Variants in LAPTM4B observed in about 807,000 individuals in gnomAD.
The protein encoded by LAPTM4B is lysosomal protein transmembrane 4 beta.
LAPTM4B carries 26 observed loss-of-function variants against 28.5 expected under a neutral mutation model. The observed-to-expected ratio is 0.91, with a 90% CI of 0.67 to 1.27. The LOEUF (loss-of-function observed/expected upper bound fraction) is 1.27. Ranked by LOEUF, LAPTM4B falls within the 50% of genes most tolerant of loss-of-function variation. The probability of loss-of-function intolerance (pLI) is 0.00; values close to 1 mark genes in which losing one functional copy is unlikely to be tolerated. For missense variants in LAPTM4B, 288 were observed against 285.8 expected, an observed-to-expected ratio of 1.01 and a Z score of -0.06; for synonymous variants, 109 against 106.4, an observed-to-expected ratio of 1.02 and a Z score of -0.15.
At chr8:97,789,978 T>G (rs1011720942) in intron 1 of LAPTM4B, among the ~76,000 whole-genome samples, 2 of 152,256 alleles carry the variant, frequency 1.3e-5, no homozygotes, top group South Asian at 2.1e-4. Flanking sequence ...AAGTTTGGTT[T>G]CCTGTGCCTG....
intron 1 of LAPTM4B, among the ~76,000 whole-genome samples, chr8:97,779,951 A>G (rs1816283254): frequency 6.6e-6 from 1 of 150,914 alleles, no homozygotes; most frequent in African/African-American, 2.4e-5. Context: ...CTGGGGAGGC[A>G]GAGGCAGGAG....
intron 1 of LAPTM4B, among the ~76,000 whole-genome samples, chr8:97,800,000 C>T (rs1423461296): frequency 6.6e-6 from 1 of 152,110 alleles, no homozygotes; most frequent in Non-Finnish European, 1.5e-5. Flanking sequence ...GTTGCAGGTC[C>T]CTGCAACCCC....
At chr8:97,831,259 C>T (rs1396845856) in intron 6 of LAPTM4B, among the ~76,000 whole-genome samples, 1 of 152,114 alleles carries the variant, frequency 6.6e-6, no homozygotes, top group Non-Finnish European at 1.5e-5. Flanking sequence ...GGAATTATGT[C>T]AGTTAGGCAA....
chr8:97,849,014 G>A (rs1817476514), intron 6 of LAPTM4B, among the ~76,000 whole-genome samples: 1 of 152,176 alleles, frequency 6.6e-6, no homozygotes, highest in Non-Finnish European at 1.5e-5. Context: ...TGTCAAGGTC[G>A]ACCATGAGGC....
chr8:97,814,767 C>CA (rs11404306), intron 2 of LAPTM4B, among the ~76,000 whole-genome samples: 68,533 of 151,870 alleles, frequency 0.45, 15,939 homozygotes, highest in East Asian at 0.58. Flanking sequence ...GATCTCGGCT[C>CA]ACTGCAAGCT....
chr8:97,805,344 T>TTTTTTTTCAGATCATCAA lies in LAPTM4B; in HGVS notation c.100-8_100-7insTTTTTTCAGATCATCAAT. ...AAATTCTTTTTTTTTTTTTTTTTTCTTGTTGCAGATCATCAATGCTGTGGT... is the reference window on the plus strand; with the variant it reads ...AAATTCTTTTTTTTTTTTTTTTTTCTTTTTTTTCAGATCATCAATGTTGCAGATCATCAATGCTGTGGT... On this transcript the variant is annotated splice_polypyrimidine_tract_variant and intron_variant, in intron 1 of 6. Transcript: ENST00000521545. 1 of 1,379,218 alleles carries TTTTTTTTCAGATCATCAA rather than the reference T, an allele frequency of 7.3e-7. No individual in the cohort carries two copies. Among genetic ancestry groups the TTTTTTTTCAGATCATCAA allele is most frequent in the Admixed American group, 2.0e-5 (1 of 50,126 alleles). 85.4% of individuals were successfully genotyped at this position (1,379,218 alleles called of 1,614,324 possible).
chr8:97,833,268 A>G (rs13257331), intron 6 of LAPTM4B, among the ~76,000 whole-genome samples: 70,903 of 151,384 alleles, frequency 0.47, 16,793 homozygotes, highest in East Asian at 0.57. Context: ...TGGGAGGTTC[A>G]CTTGAACCTG....
chr8:97,795,807 A>G (rs12542876), intron 1 of LAPTM4B, among the ~76,000 whole-genome samples: 67,889 of 146,808 alleles, frequency 0.46, 16,186 homozygotes, highest in African/African-American at 0.55. Context: ...ACTGCACTCC[A>G]GCCTCAGCGA....
chr8:97,846,197 C>A (rs1434276143), intron 6 of LAPTM4B, among the ~76,000 whole-genome samples: 2 of 151,876 alleles, frequency 1.3e-5, no homozygotes, highest in African/African-American at 4.8e-5. Flanking sequence ...TTATGAATGT[C>A]TGAAGACCCT....
chr8:97,830,646 T>C (rs1179819408), intron 6 of LAPTM4B, among the ~76,000 whole-genome samples: 3 of 152,016 alleles, frequency 2.0e-5, no homozygotes, highest in Admixed American at 2.0e-4. Context: ...GTTAGGCTGG[T>C]GGTCAGATGG....
At chr8:97,818,518 C>G (rs1816956933) in intron 4 of LAPTM4B, among the ~76,000 whole-genome samples, 1 of 152,184 alleles carries the variant, frequency 6.6e-6, no homozygotes, top group African/African-American at 2.4e-5. Context: ...AAAAGGTTCC[C>G]TTTGACCTGG....
At chr8:97,843,682 A>G (rs552614055) in intron 6 of LAPTM4B, among the ~76,000 whole-genome samples, 1 of 152,234 alleles carries the variant, frequency 6.6e-6, no homozygotes, top group South Asian at 2.1e-4. Flanking sequence ...TGGGAGGCCG[A>G]GGCAGGAGAA....
At chr8:97,845,868 A>G (rs1262812958) in intron 6 of LAPTM4B, among the ~76,000 whole-genome samples, 1 of 4,360 alleles carries the variant, frequency 2.3e-4, no homozygotes, top group African/African-American at 5.7e-4. Context: ...CCCCCCTTCC[A>G]CTCCCCTCCC....
At chr8:97,821,036 G>T (rs1484586222) in intron 5 of LAPTM4B, among the ~76,000 whole-genome samples, 1 of 146,648 alleles carries the variant, frequency 6.8e-6, no homozygotes, top group Non-Finnish European at 1.5e-5. Context: ...TGGGGACACC[G>T]TCTCTTAAAA....
At chr8:97,782,369 C>T (rs186483731) in intron 1 of LAPTM4B, among the ~76,000 whole-genome samples, 48 of 139,090 alleles carry the variant, frequency 3.5e-4, no homozygotes, top group Middle Eastern at 4.2e-3. Flanking sequence ...TCTTCCCTGG[C>T]TCAAGCAGCC....
chr8:97,794,601 T>TA (rs34969793), intron 1 of LAPTM4B, among the ~76,000 whole-genome samples: 39,855 of 152,184 alleles, frequency 0.26, 6,561 homozygotes, highest in Non-Finnish European at 0.36. Flanking sequence ...TTTATTTTGA[T>TA]ATCAGAACAG....
intron 5 of LAPTM4B, among the ~76,000 whole-genome samples, chr8:97,820,953 C>G (rs901793407): frequency 1.3e-5 from 2 of 151,890 alleles, no homozygotes; most frequent in Non-Finnish European, 2.9e-5. Flanking sequence ...TGTCAAACTC[C>G]TGACCTCAGG....
At chr8:97,814,459 A>G (rs1816871779) in intron 2 of LAPTM4B, among the ~76,000 whole-genome samples, 1 of 151,950 alleles carries the variant, frequency 6.6e-6, no homozygotes, top group Non-Finnish European at 1.5e-5. Flanking sequence ...GGGATGCGGA[A>G]TTTGCATTGA....
In LAPTM4B at chr8:97,851,465, G is replaced by A; in HGVS notation, c.672G>A (p.Val224=). ...GAAKEPPPPY[V]SA is the part of the protein sequence containing the mutation. Reference sequence around the variant, plus strand: ...CCAAGGAGCCACCGCCACCTTACGTGTCTGCCTAAGCCTTCAAGTGGGCGG... The same window carrying A: ...CCAAGGAGCCACCGCCACCTTACGTATCTGCCTAAGCCTTCAAGTGGGCGG... Residue 224 remains valine (V), a synonymous_variant, in exon 7 of 7, where the codon GTG becomes GTA. Transcript: ENST00000521545. 6.2e-7 allele frequency: 1 copy of A among 1,613,726 alleles called. No homozygotes were observed. Among genetic ancestry groups the A allele is most frequent in the Non-Finnish European group, 8.5e-7 (1 of 1,179,632 alleles).
Sources: gnomAD v4.1 joint callset for allele counts (sites outside exome capture counted in the v4.1 genomes callset) on GRCh38, gnomAD v4.1.1 for gene constraint, MANE v1.5 for transcripts, NCBI Gene and HGNC (gene_info 2026-07-23, HGNC 2026-07-21) for gene names.